The following F11R variants were observed in gnomAD, a reference collection of about 807,000 sequenced individuals.
F11R encodes the protein F11 receptor.
A neutral mutation model predicts 39.3 loss-of-function variants in F11R; 27 were observed. That is an observed-to-expected ratio of 0.69 (90% confidence interval 0.51 to 0.95). The LOEUF (loss-of-function observed/expected upper bound fraction) is 0.95. F11R is among the 40% of genes least tolerant of loss of function. The pLI is 0.00. For missense variants in F11R, 335 were observed against 372.7 expected (o/e 0.90, Z 0.83); for synonymous variants, 131 against 144.9 (o/e 0.90, Z 0.69).
chr1:161,015,585 T>C (rs564781510), intron 1 of F11R, among the ~76,000 whole-genome samples: 29 of 102,314 alleles, frequency 2.8e-4, no homozygotes, highest in Middle Eastern at 8.6e-3. Context: ...AGCAAGACTT[T>C]GTCTCAAAAA....
chr1:161,000,697 T>C lies in F11R; in HGVS notation c.322A>G (p.Thr108Ala), dbSNP rs1378803097. The C allele has an allele frequency of 1.9e-6, 3 of 1,613,714 alleles. No individual in the cohort carries two copies. Among genetic ancestry groups the C allele is most frequent in the East Asian group, 2.2e-5 (1 of 44,864 alleles). Residue 108 changes from threonine (T) to alanine (A), a missense_variant, in exon 4 of 10, where the codon ACT becomes GCT. Coordinates refer to ENST00000368026, the MANE Select transcript of F11R (RefSeq NM_016946.6). Reference sequence around the variant, plus strand: ...CCGCCTTCCTCAGAGACCATACAAGTGTATGTCCCAGTGTCTTCCCGTGTC... The same window carrying C: ...CCGCCTTCCTCAGAGACCATACAAGCGTATGTCCCAGTGTCTTCCCGTGTC... ...SVTREDTGTY[T>A]CMVSEEGGNS... is the part of the protein sequence containing the mutation.
chr1:161,000,838 G>GAAGGGGGCATCCA, intron 3 of F11R, 61 bp from the exon 4 acceptor site: 1 of 1,600,708 alleles, frequency 6.2e-7, no homozygotes, highest in Non-Finnish European at 8.6e-7. Flanking sequence ...GGAGGCTGAT[G>GAAGGGGGCATCCA]AAGGGGGCAT....
chr1:160,999,195 A>G, intron 8 of F11R, 104 bp from the exon 9 acceptor site: 1 of 1,521,556 alleles, frequency 6.6e-7, no homozygotes. Context: ...AGAAGCACAG[A>G]GTGCGCAGCA....
At chr1:161,005,167 AAATAATAATAAT>A (rs71090350) in intron 1 of F11R, among the ~76,000 whole-genome samples, 65 of 145,148 alleles carry the variant, frequency 4.5e-4, no homozygotes, top group Non-Finnish European at 6.2e-4. Flanking sequence ...CTCAAAAATA[AAATAATAATAAT>A]AATAATAATA....
chr1:160,999,897 T>C lies in F11R; in HGVS notation c.673A>G (p.Asn225Asp). 3 of 1,614,150 alleles carry C rather than the reference T, an allele frequency of 1.9e-6. No individual in the cohort carries two copies. Among genetic ancestry groups the C allele is most frequent in the Non-Finnish European group, 2.5e-6 (3 of 1,180,008 alleles). Residue 225 changes from asparagine to aspartate, a missense_variant, in exon 6 of 10, where the codon AAT becomes GAT. Coordinates refer to ENST00000368026, the MANE Select transcript of F11R (RefSeq NM_016946.6). ...RNGYGTPMTS[N>D]AVRMEAVERN... Reference sequence around the variant, plus strand: ...TCACCAGCTTCCATGCGCACAGCATTTGAAGTCATGGGTGTCCCATACCCA... The same window carrying C: ...TCACCAGCTTCCATGCGCACAGCATCTGAAGTCATGGGTGTCCCATACCCA...
intron 1 of F11R, among the ~76,000 whole-genome samples, chr1:161,014,909 A>AAT (rs1162384130): frequency 2.6e-5 from 2 of 76,486 alleles, no homozygotes; most frequent in Non-Finnish European, 5.6e-5. Flanking sequence ...CTCTACTAAA[A>AAT]ATACAAAAAA....
At position 160,999,675 on chromosome 1, in the gene F11R, C is replaced by G. The variant is rs1156681783; in HGVS notation, c.767G>C (p.Gly256Ala). 1.2e-6 allele frequency: 2 copies of G among 1,614,056 alleles called. No individual in the cohort carries two copies. The change falls in exon 7 of 10, where the codon GGC becomes GCC. Residue 256 changes from glycine to alanine, a missense_variant. Physicochemically the swap from Gly to Ala is moderately conservative, Grantham distance 60. Transcript: ENST00000368026. The part of the protein sequence containing the change: ...TLILLGILVF[G>A]IWFAYSRGHF... ...GCCTCGGCTATAGGCAAACCAGATG[C>G]CAAAAACCAAGATTCCCAGGAGAAT... is the stretch of plus-strand genomic sequence containing the variant.
chr1:161,017,000 T>A (rs1333762988), intron 1 of F11R, among the ~76,000 whole-genome samples: 1 of 152,200 alleles, frequency 6.6e-6, no homozygotes. Flanking sequence ...ATGTGCTGTG[T>A]CAAACTCAGG....
chr1:161,003,229 T>A (rs905625324), intron 1 of F11R, among the ~76,000 whole-genome samples: 2 of 151,424 alleles, frequency 1.3e-5, no homozygotes, highest in African/African-American at 4.8e-5. Flanking sequence ...GTTCAAGGGA[T>A]TCTCCTGCCT....
intron 1 of F11R, among the ~76,000 whole-genome samples, chr1:161,006,460 G>A (rs1571013519): frequency 6.6e-6 from 1 of 152,140 alleles, no homozygotes; most frequent in Non-Finnish European, 1.5e-5. Context: ...GAATTTGATG[G>A]TTGTTCCTCC....
intron 5 of F11R, 47 bp from the exon 6 acceptor site, chr1:161,000,025 A>G (rs1648376484): frequency 6.2e-7 from 1 of 1,603,176 alleles, no homozygotes; most frequent in Admixed American, 1.7e-5. Flanking sequence ...AGCAAAATAG[A>G]CATTTTTTAA....
At chr1:161,012,396 C>G (rs1267202069) in intron 1 of F11R, among the ~76,000 whole-genome samples, 2 of 152,012 alleles carry the variant, frequency 1.3e-5, no homozygotes, top group Non-Finnish European at 2.9e-5. Flanking sequence ...ATCACTTGAG[C>G]CCAGGAGTTC....
At chr1:161,003,912 G>A (rs1480779718) in intron 1 of F11R, among the ~76,000 whole-genome samples, 1 of 151,748 alleles carries the variant, frequency 6.6e-6, no homozygotes, top group Non-Finnish European at 1.5e-5. Context: ...TTACAGGCAG[G>A]CGCCACCATG....
In F11R at chr1:161,009,776, G is replaced by A. The variant is rs569999974; in HGVS notation, c.65-8423C>T. On this transcript the variant is annotated intron_variant, in intron 1 of 9. Coordinates refer to ENST00000368026, the MANE Select transcript of F11R (RefSeq NM_016946.6). ...TGAGGTCAGAAGTTTAAGACCAGCC[G>A]GGCCAACATGATAAAAATTACAAAA... 1.8e-4 allele frequency among the ~76,000 whole-genome samples: 27 copies of A among 151,888 alleles called. No individual in the cohort carries two copies. In the South Asian group the frequency reaches 3.5e-3, roughly 20 times the overall value.
chr1:161,000,740 A>G lies in F11R; in HGVS notation c.279T>C (p.Gly93=). The change falls in exon 4 of 10, where the codon GGT becomes GGC. Residue 93 remains glycine, a synonymous_variant. Transcript: ENST00000368026. ...CCCGTGTCACGGACTTGAAGGTGAT[A>G]CCAGTTGGCAAGAAGGTCACCCGGT... The part of the protein sequence containing the change: ...YEDRVTFLPT[G]ITFKSVTRED... 1.2e-6 allele frequency: 2 copies of G among 1,614,112 alleles called. No individual in the cohort carries two copies. Among genetic ancestry groups the G allele is most frequent in the Non-Finnish European group, 1.7e-6 (2 of 1,180,032 alleles).
chr1:161,016,207 T>C (rs1179977194), intron 1 of F11R, among the ~76,000 whole-genome samples: 2 of 151,854 alleles, frequency 1.3e-5, no homozygotes, highest in South Asian at 2.1e-4. Flanking sequence ...CCGGGCGCGG[T>C]GGCTCACGCC....
At chr1:161,012,220 G>A (rs1259122546) in intron 1 of F11R, among the ~76,000 whole-genome samples, 2 of 152,212 alleles carry the variant, frequency 1.3e-5, no homozygotes, top group Non-Finnish European at 2.9e-5. Context: ...TACGTGAAGG[G>A]TCAGGTCAGA....
intron 1 of F11R, among the ~76,000 whole-genome samples, chr1:161,006,063 G>A (rs767559371): frequency 9.2e-5 from 14 of 151,868 alleles, no homozygotes; most frequent in Admixed American, 5.9e-4. Context: ...ACTTGAACCC[G>A]GGAGGCGAAG....
At chr1:161,002,700 A>G (rs1177770361) in intron 1 of F11R, 3 of 152,224 alleles carry the variant, frequency 2.0e-5, no homozygotes, top group African/African-American at 7.2e-5. Flanking sequence ...ACATAACTGA[A>G]TATGGTCTCT....
Sources: allele counts gnomAD v4.1 joint callset (sites outside exome capture counted in the v4.1 genomes callset), GRCh38; gene constraint gnomAD v4.1.1; transcripts MANE v1.5; gene names NCBI Gene and HGNC (gene_info 2026-07-23, HGNC 2026-07-21).